ADGRV1: variants seen among roughly 807,000 people sequenced by gnomAD.
The protein encoded by ADGRV1 is adhesion G protein-coupled receptor V1.
Under a neutral mutation model 596.2 loss-of-function variants are expected in ADGRV1, and 359 were observed. That is an observed-to-expected ratio of 0.60 (90% CI 0.55 to 0.66). The LOEUF (loss-of-function observed/expected upper bound fraction) is 0.66, where lower values mean the gene tolerates loss of function less well. ADGRV1 is among the 30% of genes least tolerant of loss of function. The probability of loss-of-function intolerance (pLI) is 0.00; values close to 1 mark genes in which losing one functional copy is unlikely to be tolerated. For synonymous variants in ADGRV1, 2,681 were observed against 2,679.2 expected (o/e 1.00, Z -0.02); for missense variants, 7,274 against 7,575.6 (o/e 0.96, Z 1.48).
At chr5:90,766,072 G>C (rs974167349) in intron 59 of ADGRV1, among the ~76,000 whole-genome samples, 1 of 151,848 alleles carries the variant, frequency 6.6e-6, no homozygotes, top group Non-Finnish European at 1.5e-5. Context: ...ACCACACCTG[G>C]CTAATTTTTT....
intron 83 of ADGRV1, among the ~76,000 whole-genome samples, chr5:90,868,227 TAA>T (rs995613506): frequency 6.6e-6 from 1 of 152,138 alleles, no homozygotes; most frequent in Non-Finnish European, 1.5e-5. Flanking sequence ...TTATTATTAC[TAA>T]ATCCATATAA....
chr5:91,056,599 G>A (rs1393915340), intron 85 of ADGRV1, among the ~76,000 whole-genome samples: 1 of 151,972 alleles, frequency 6.6e-6, no homozygotes, highest in Non-Finnish European at 1.5e-5. Context: ...AATGCCCAAT[G>A]ACAGTAGAAT....
chr5:90,563,709 G>C (rs1345498826), intron 1 of ADGRV1, among the ~76,000 whole-genome samples: 5 of 152,170 alleles, frequency 3.3e-5, no homozygotes, highest in Non-Finnish European at 7.3e-5. Context: ...GTTGGGAATA[G>C]GTTTAAAAGA....
intron 78 of ADGRV1, among the ~76,000 whole-genome samples, chr5:90,844,359 C>A (rs560777883): frequency 6.6e-6 from 1 of 152,006 alleles, no homozygotes; most frequent in Non-Finnish European, 1.5e-5. Flanking sequence ...TTTAAAAGAT[C>A]TCAATAAATC....
At chr5:90,953,767 TG>T (rs1204221949) in intron 83 of ADGRV1, among the ~76,000 whole-genome samples, 1 of 152,132 alleles carries the variant, frequency 6.6e-6, no homozygotes, top group Non-Finnish European at 1.5e-5. Flanking sequence ...GCCATTTCTT[TG>T]TAATAATTGT....
intron 85 of ADGRV1, among the ~76,000 whole-genome samples, chr5:90,987,642 A>C (rs1473574458): frequency 1.3e-5 from 2 of 152,028 alleles, no homozygotes; most frequent in Non-Finnish European, 2.9e-5. Context: ...ATAAACTGAT[A>C]TATTATTTAT....
intron 86 of ADGRV1, among the ~76,000 whole-genome samples, chr5:91,083,216 G>A (rs1385461012): frequency 6.6e-6 from 1 of 150,696 alleles, no homozygotes; most frequent in Admixed American, 6.6e-5. Context: ...ACAGGAAGGG[G>A]GACATCACAC....
At position 90,664,404 on chromosome 5, in the gene ADGRV1, G is replaced by T. The variant is rs952781751; in HGVS notation, c.4752+6126G>T. On this transcript the variant is annotated intron_variant, in intron 21 of 89. Coordinates refer to ENST00000405460, the MANE Select transcript of ADGRV1 (RefSeq NM_032119.4). ...TGAATGGGAGTTCACTCATGATTTG[G>T]CTCTCTGTTTGCCTGTTGTTGGTGT... Among the ~76,000 whole-genome samples the T allele has an allele frequency of 9.3e-3, 1,413 of 151,994 alleles. 11 individuals carry two copies. The highest frequency in any genetic ancestry group is 0.033 in the African/African-American group (1,348 of 41,396).
intron 83 of ADGRV1, among the ~76,000 whole-genome samples, chr5:90,864,772 AAT>A (rs1767934058): frequency 6.6e-6 from 1 of 152,234 alleles, no homozygotes; most frequent in Non-Finnish European, 1.5e-5. Context: ...TTATGGAGAT[AAT>A]TTTTAATATT....
At chr5:91,066,718 A>G (rs1232201872) in intron 85 of ADGRV1, among the ~76,000 whole-genome samples, 1 of 152,170 alleles carries the variant, frequency 6.6e-6, no homozygotes, top group Admixed American at 6.5e-5. Flanking sequence ...GCAAATGTTA[A>G]GTGTTTCACA....
Position 90,683,658 on chromosome 5 carries a change from C to T in ADGRV1, c.5737C>T (p.Leu1913Phe), listed in dbSNP as rs756465543. Reference protein sequence around the residue: ...WNIDSDPDGDLAFTSGNITFE... With the variant: ...WNIDSDPDGDFAFTSGNITFE... ...CATAGACTCTGATCCTGATGGTGAT[C>T]TCGCCTTCACCTCTGGCAACATCAC... is the stretch of plus-strand genomic sequence containing the variant. Residue 1913 changes from leucine to phenylalanine, a missense_variant, in exon 28 of 90, where the codon CTC (leucine) becomes TTC (phenylalanine). Physicochemically the swap from Leu to Phe is conservative, Grantham distance 22. Transcript: ENST00000405460. The T allele has an allele frequency of 6.2e-7, 1 of 1,613,404 alleles. No individual in the cohort carries two copies. The highest frequency in any genetic ancestry group is 2.2e-5 in the East Asian group (1 of 44,854).
intron 14 of ADGRV1, 27 bp from the exon 15 acceptor site, chr5:90,644,679 T>C (rs1767472851): frequency 1.3e-6 from 2 of 1,567,974 alleles, no homozygotes; most frequent in Non-Finnish European, 8.6e-7. Flanking sequence ...TGTCTTCATA[T>C]GTATTATGTA....
chr5:90,967,141 AAC>A (rs892480441), intron 84 of ADGRV1, among the ~76,000 whole-genome samples: 48 of 152,286 alleles, frequency 3.2e-4, no homozygotes, highest in African/African-American at 1.1e-3. Flanking sequence ...AAGAGAACTG[AAC>A]TATTTAGCTA....
intron 50 of ADGRV1, among the ~76,000 whole-genome samples, chr5:90,736,695 G>C (rs1335612566): frequency 6.6e-6 from 1 of 151,810 alleles, no homozygotes; most frequent in Non-Finnish European, 1.5e-5. Flanking sequence ...TTCAGTCTTA[G>C]TAGGTGCTAT....
chr5:90,894,262 A>G (rs1005016089), intron 83 of ADGRV1, among the ~76,000 whole-genome samples: 9 of 152,276 alleles, frequency 5.9e-5, no homozygotes, highest in African/African-American at 1.7e-4. Flanking sequence ...CATCATTCTC[A>G]AACCTTTTTC....
intron 29 of ADGRV1, among the ~76,000 whole-genome samples, chr5:90,689,591 A>C (rs1746196367): frequency 6.6e-6 from 1 of 152,122 alleles, no homozygotes; most frequent in South Asian, 2.1e-4. Flanking sequence ...TTATATAAAT[A>C]GACCAAATAG....
At chr5:91,054,102 T>TGTGTGTGTGTGAGA (rs1299621929) in intron 85 of ADGRV1, among the ~76,000 whole-genome samples, 3 of 126,672 alleles carry the variant, frequency 2.4e-5, no homozygotes, top group Non-Finnish European at 4.9e-5. Flanking sequence ...TGTGTGTGTG[T>TGTGTGTGTGTGAGA]GAGAGAGAGA....
intron 83 of ADGRV1, among the ~76,000 whole-genome samples, chr5:90,919,291 A>G (rs1773663115): frequency 6.6e-6 from 1 of 152,202 alleles, no homozygotes; most frequent in African/African-American, 2.4e-5. Flanking sequence ...ACAATGGATG[A>G]AAGAGAAAGC....
chr5:91,147,176 TAAAAAAAAA>T (rs57619661), intron 87 of ADGRV1, among the ~76,000 whole-genome samples: 1 of 100,818 alleles, frequency 9.9e-6, no homozygotes, highest in East Asian at 2.8e-4. Context: ...GACCTTGTCT[TAAAAAAAAA>T]AAAAAAAAAA....
Sources: gnomAD v4.1 joint callset for allele counts (sites outside exome capture counted in the v4.1 genomes callset) on GRCh38, gnomAD v4.1.1 for gene constraint, MANE v1.5 for transcripts, NCBI Gene and HGNC (gene_info 2026-07-23, HGNC 2026-07-21) for gene names.